CACNG8: variants seen among roughly 807,000 people sequenced by gnomAD.
The protein encoded by CACNG8 is calcium voltage-gated channel auxiliary subunit gamma 8.
In CACNG8, 5 loss-of-function variants were observed where a neutral mutation model predicts 26.9. The observed-to-expected ratio is 0.19, with a 90% CI of 0.10 to 0.39. CACNG8 has a LOEUF of 0.39. CACNG8 is among the 10% of genes least tolerant of loss of function. CACNG8 has a pLI of 1.00. For synonymous variants in CACNG8, 321 were observed against 296.7 expected (o/e 1.08, Z -0.84); for missense variants, 473 against 609.4 (o/e 0.78, Z 2.36).
chr19:53,975,843 G>A (rs1326317045), intron 1 of CACNG8, among the ~76,000 whole-genome samples: 1 of 152,180 alleles, frequency 6.6e-6, no homozygotes, highest in Non-Finnish European at 1.5e-5. Flanking sequence ...ACCCTTTTCT[G>A]TTTCTCAGTT....
intron 1 of CACNG8, among the ~76,000 whole-genome samples, chr19:53,977,189 GTC>G (rs2069334888): frequency 6.6e-6 from 1 of 152,180 alleles, no homozygotes; most frequent in South Asian, 2.1e-4. Context: ...GTGCATGTGT[GTC>G]TGTGTGTGTC....
chr19:53,979,794 G>A (rs539507684), intron 2 of CACNG8, 73 bp from the exon 3 acceptor site: 123 of 1,474,926 alleles, frequency 8.3e-5, no homozygotes, highest in Non-Finnish European at 1.1e-4. Flanking sequence ...ATGGGGGGCC[G>A]GGAAGGGGGC....
chr19:53,964,842 A>C (rs1406133604), intron 1 of CACNG8, among the ~76,000 whole-genome samples: 2 of 151,990 alleles, frequency 1.3e-5, no homozygotes, highest in African/African-American at 4.8e-5. Context: ...TCCCTCCTGC[A>C]CCCCAGCCTC....
chr19:53,965,382 C>A (rs2069266683), intron 1 of CACNG8, among the ~76,000 whole-genome samples: 1 of 152,098 alleles, frequency 6.6e-6, no homozygotes. Context: ...TCACCTCCAT[C>A]TGCTCCGTCT....
chr19:53,970,249 G>A (rs2069294669), intron 1 of CACNG8, among the ~76,000 whole-genome samples: 1 of 152,184 alleles, frequency 6.6e-6, no homozygotes, highest in Non-Finnish European at 1.5e-5. Flanking sequence ...CCAGGAGGCA[G>A]AGGTTGCAGT....
In CACNG8 at chr19:53,989,211, G is replaced by C. The variant is rs1315754974; in HGVS notation, c.*6362G>C. ...GAGTCCAGGAGTTTAAGGTTGCAGTGAGCTATGATTGCACCATTGCACTTC... is the reference window on the plus strand; with the variant it reads ...GAGTCCAGGAGTTTAAGGTTGCAGTCAGCTATGATTGCACCATTGCACTTC... On this transcript the variant is annotated 3_prime_UTR_variant, in exon 4 of 4. Coordinates refer to ENST00000270458, the MANE Select transcript of CACNG8 (RefSeq NM_031895.6). The C allele has an allele frequency of 6.6e-6, 1 of 152,268 alleles. No individual in the cohort carries two copies. The highest frequency in any genetic ancestry group is 1.9e-4 in the East Asian group (1 of 5,190). 9.4% of individuals were successfully genotyped at this position (152,268 alleles called of 1,614,324 possible). A position where few individuals can be genotyped will look rare whatever the true frequency, so the allele number is the denominator to read the frequency against.
At position 53,982,732 on chromosome 19, in the gene CACNG8, G is replaced by A. The variant is rs1183774712; in HGVS notation, c.1161G>A (p.Pro387=). 4 of 1,184,546 alleles carry A rather than the reference G, an allele frequency of 3.4e-6. No individual in the cohort carries two copies. The highest frequency in any genetic ancestry group is 4.2e-6 in the Non-Finnish European group (4 of 963,374). 73.4% of individuals were successfully genotyped at this position (1,184,546 alleles called of 1,614,324 possible). A position where few individuals can be genotyped will look rare whatever the true frequency, so the allele number is the denominator to read the frequency against. The change falls in exon 4 of 4, where the codon CCG becomes CCA. Residue 387 remains proline, a synonymous_variant. Transcript: ENST00000270458. This position sits in a 1 kb window ranked among gnomAD's most constrained non-coding sequence, Gnocchi z 8.4. ...GCGTCACGGTCACGGTCACCGGGCC[G>A]CCCGCCCCGCCCGCGCCCGCGCCAC...
chr19:53,965,909 C>T (rs1348380388), intron 1 of CACNG8, among the ~76,000 whole-genome samples: 1 of 151,908 alleles, frequency 6.6e-6, no homozygotes, highest in Non-Finnish European at 1.5e-5. Context: ...GTGCTTCAGA[C>T]TGTAGGAATA....
chr19:53,972,338 T>TC (rs1174751878), intron 1 of CACNG8, among the ~76,000 whole-genome samples: 4 of 147,186 alleles, frequency 2.7e-5, no homozygotes, highest in African/African-American at 1.0e-4. Context: ...CTTTTTTTTT[T>TC]CTTTCTTCTC....
intron 1 of CACNG8, among the ~76,000 whole-genome samples, chr19:53,971,592 C>T (rs143617158): frequency 0.012 from 1,782 of 152,320 alleles, 19 homozygotes; most frequent in Middle Eastern, 0.082. Context: ...AGCCACACCC[C>T]GAGGTCTTCT....
chr19:53,978,299 T>G (rs1600033735), intron 2 of CACNG8, 70 bp downstream of exon 2: 2 of 1,310,978 alleles, frequency 1.5e-6, no homozygotes, highest in Non-Finnish European at 2.2e-6. Context: ...TCGGGGTGGG[T>G]GCCGGGAAAA....
Position 53,969,903 on chromosome 19 carries a change from G to A in CACNG8, c.283+6478G>A, listed in dbSNP as rs567914111. Among the ~76,000 whole-genome samples the A allele has an allele frequency of 4.6e-5, 7 of 152,242 alleles. No homozygotes were observed. The South Asian group carries it at 8.3e-4, about 18-fold the overall frequency. On this transcript the variant is annotated intron_variant, in intron 1 of 3. Transcript: ENST00000270458. Reference sequence around the variant, plus strand: ...TCCCAGCACTTTGGGAAGCCGAGGCGGGTGGATCACCTGAGGCCAGGAGTT... The same window carrying A: ...TCCCAGCACTTTGGGAAGCCGAGGCAGGTGGATCACCTGAGGCCAGGAGTT...
intron 1 of CACNG8, among the ~76,000 whole-genome samples, chr19:53,966,034 C>G (rs2069270525): frequency 6.6e-6 from 1 of 151,838 alleles, no homozygotes; most frequent in African/African-American, 2.4e-5. Flanking sequence ...GAGGTGCAGT[C>G]GTAGGGGTAT....
chr19:53,972,339 CTTTCTTCTCT>C (rs889381300), intron 1 of CACNG8, among the ~76,000 whole-genome samples: 4 of 133,932 alleles, frequency 3.0e-5, no homozygotes, highest in African/African-American at 1.1e-4. Flanking sequence ...TTTTTTTTTT[CTTTCTTCTCT>C]TTTCTTCTTT....
intron 1 of CACNG8, among the ~76,000 whole-genome samples, chr19:53,976,267 C>G (rs148078440): frequency 8.4e-4 from 128 of 152,288 alleles, no homozygotes; most frequent in African/African-American, 2.8e-3. Flanking sequence ...GGCAGGAGGA[C>G]CACTTGAGCC....
chr19:53,973,314 G>A (rs1394773473), intron 1 of CACNG8, among the ~76,000 whole-genome samples: 1 of 152,084 alleles, frequency 6.6e-6, no homozygotes, highest in Non-Finnish European at 1.5e-5. Flanking sequence ...CTGAGGCCAG[G>A]AGTTCGAGAC....
chr19:53,964,243 C>G (rs924909652), intron 1 of CACNG8, among the ~76,000 whole-genome samples: 2 of 151,882 alleles, frequency 1.3e-5, no homozygotes, highest in African/African-American at 4.8e-5. Flanking sequence ...CCTGCCTCTC[C>G]CGCCCCCTTT....
At chr19:53,969,219 A>T (rs999688337) in intron 1 of CACNG8, among the ~76,000 whole-genome samples, 5 of 151,894 alleles carry the variant, frequency 3.3e-5, no homozygotes, top group Non-Finnish European at 5.9e-5. Context: ...GACCAGGCTG[A>T]TCTCAAACTC....
At position 53,988,993 on chromosome 19, in the gene CACNG8, C is replaced by G. The variant is rs1043659889; in HGVS notation, c.*6144C>G. 2.6e-5 allele frequency: 4 copies of G among 152,110 alleles called. No individual in the cohort carries two copies. Among genetic ancestry groups the G allele is most frequent in the African/African-American group, 9.7e-5 (4 of 41,422 alleles). 9.4% of individuals were successfully genotyped at this position (152,110 alleles called of 1,614,324 possible). On this transcript the variant is annotated 3_prime_UTR_variant, in exon 4 of 4. Coordinates refer to ENST00000270458, the MANE Select transcript of CACNG8 (RefSeq NM_031895.6). The stretch of plus-strand genomic sequence containing the variant: ...TTCTTGGAAATACTTTCTGGCCAGG[C>G]TTGGGGGCTCATGCCTGTAATCCCA...
Sources: gnomAD v4.1 joint callset for allele counts (sites outside exome capture counted in the v4.1 genomes callset) on GRCh38, gnomAD v4.1.1 for gene constraint, Gnocchi (gnomAD v3.1) non-coding constraint, MANE v1.5 for transcripts, NCBI Gene and HGNC (gene_info 2026-07-23, HGNC 2026-07-21) for gene names.